Variants in GDPD1 observed in about 807,000 individuals in gnomAD.
GDPD1 encodes the protein glycerophosphodiester phosphodiesterase domain containing 1, also known as lysophospholipase D GDPD1.
In GDPD1, 28 loss-of-function variants were observed where a neutral mutation model predicts 45.1. That is an observed-to-expected ratio of 0.62 (90% CI 0.46 to 0.85). GDPD1 has a LOEUF of 0.85. Ranked by LOEUF, GDPD1 falls within the 40% of genes least tolerant of loss-of-function variation. GDPD1 has a pLI of 0.00. For missense variants in GDPD1, 256 were observed against 364.8 expected (o/e 0.70, Z 2.43); for synonymous variants, 139 against 131.4 (o/e 1.06, Z -0.40).
chr17:59,268,605 A>G (rs2047419461), intron 7 of GDPD1, among the ~76,000 whole-genome samples: 1 of 148,414 alleles, frequency 6.7e-6, no homozygotes, highest in African/African-American at 2.5e-5. Context: ...AAAAAAAAGA[A>G]AAGAAAACAC....
chr17:59,255,800 T>TATACACAC lies in GDPD1; in HGVS notation c.368-1319_368-1318insCACACATA, dbSNP rs1555724197. On this transcript the variant is annotated intron_variant, in intron 4 of 9. Transcript: ENST00000284116. ...ATATATATATACGCGTATATATGTATATATATATATACGCGTATATATATA... is the reference window on the plus strand; with the variant it reads ...ATATATATATACGCGTATATATGTATATACACACATATATATATACGCGTATATATATA... 4.5e-4 allele frequency among the ~76,000 whole-genome samples: 30 copies of TATACACAC among 66,992 alleles called. 3 individuals are homozygous for TATACACAC. The highest frequency in any genetic ancestry group is 1.4e-3 in the African/African-American group (14 of 9,820). The allele number at this position is 66,992 out of a possible 152,430, so 43.9% of individuals were successfully genotyped here.
intron 2 of GDPD1, among the ~76,000 whole-genome samples, chr17:59,237,262 C>T (rs1024585411): frequency 6.6e-6 from 1 of 151,790 alleles, no homozygotes; most frequent in Non-Finnish European, 1.5e-5. Context: ...ATTAACCGGG[C>T]GTGGTGGTGC....
intron 6 of GDPD1, among the ~76,000 whole-genome samples, chr17:59,265,195 T>C (rs1182930257): frequency 6.6e-6 from 1 of 152,068 alleles, no homozygotes; most frequent in Non-Finnish European, 1.5e-5. Flanking sequence ...AAATATATAT[T>C]ATGTTTTTAT....
intron 3 of GDPD1, among the ~76,000 whole-genome samples, 176 bp downstream of exon 3, chr17:59,245,725 C>T (rs1009163811): frequency 2.0e-5 from 3 of 152,036 alleles, no homozygotes; most frequent in Admixed American, 1.3e-4. Flanking sequence ...TGGCTCATGC[C>T]TATAACTGCA....
At position 59,242,017 on chromosome 17, in the gene GDPD1, A is replaced by C. The variant is rs1209403978; in HGVS notation, c.186-3397A>C. ...GATGAGGTTGAATAAATTGATGTCA[A>C]TAATATTGTCTTGTAGATAAGAGAT... On this transcript the variant is annotated intron_variant, in intron 2 of 9. Transcript: ENST00000284116. 4.6e-5 allele frequency among the ~76,000 whole-genome samples: 7 copies of C among 152,296 alleles called. No homozygotes were observed. The East Asian group carries it at 1.4e-3, about 29-fold the overall frequency.
At chr17:59,240,610 AG>A (rs2047168839) in intron 2 of GDPD1, among the ~76,000 whole-genome samples, 1 of 152,078 alleles carries the variant, frequency 6.6e-6, no homozygotes, top group Non-Finnish European at 1.5e-5. Context: ...CTAGAACTAC[AG>A]GGATGTGCCA....
intron 1 of GDPD1, among the ~76,000 whole-genome samples, chr17:59,224,358 C>T (rs1438550015): frequency 6.6e-6 from 1 of 152,180 alleles, no homozygotes; most frequent in Admixed American, 6.6e-5. Flanking sequence ...CAAGGTGGCT[C>T]ATGCCTATAA....
In GDPD1 at chr17:59,235,432, T is replaced by C. The variant is rs1351475794; in HGVS notation, c.185+898T>C. Among the ~76,000 whole-genome samples, 3 of 152,208 alleles carry C rather than the reference T, an allele frequency of 2.0e-5. No homozygotes were observed. In the East Asian group the frequency reaches 5.8e-4, roughly 29 times the overall value. On this transcript the variant is annotated intron_variant, in intron 2 of 9. Transcript: ENST00000284116. Reference sequence around the variant, plus strand: ...TCATATTCTAGTTTCACCTAAATCCTATCTTCCTTGTATTTGTCATCTCTT... The same window carrying C: ...TCATATTCTAGTTTCACCTAAATCCCATCTTCCTTGTATTTGTCATCTCTT...
At chr17:59,273,348 G>C (rs201441197) in intron 9 of GDPD1, among the ~76,000 whole-genome samples, 1 of 151,970 alleles carries the variant, frequency 6.6e-6, no homozygotes, top group African/African-American at 2.4e-5. Context: ...GGCTGATCTC[G>C]AACTCCGGAC....
At chr17:59,242,116 G>A (rs956786554) in intron 2 of GDPD1, among the ~76,000 whole-genome samples, 4 of 152,132 alleles carry the variant, frequency 2.6e-5, no homozygotes, top group Non-Finnish European at 4.4e-5. Context: ...AGGCTGGAGT[G>A]CAGTGGCATA....
chr17:59,231,453 A>C (rs1196941454), intron 1 of GDPD1, among the ~76,000 whole-genome samples: 1 of 149,478 alleles, frequency 6.7e-6, no homozygotes, highest in African/African-American at 2.5e-5. Context: ...CAGCCTCCCG[A>C]GTAGCTGGGA....
intron 6 of GDPD1, among the ~76,000 whole-genome samples, chr17:59,263,425 T>C (rs2047373309): frequency 6.6e-6 from 1 of 151,824 alleles, no homozygotes; most frequent in South Asian, 2.1e-4. Flanking sequence ...AATTTGTCTT[T>C]CATATTGCCA....
At chr17:59,255,760 AAAATAT>A (rs1183740213) in intron 4 of GDPD1, among the ~76,000 whole-genome samples, 7 of 67,516 alleles carry the variant, frequency 1.0e-4, no homozygotes, top group Admixed American at 3.1e-4. Flanking sequence ...AAAAAAAAAA[AAAATAT>A]ATATATATAT....
In GDPD1 at chr17:59,245,495, G is replaced by A; in HGVS notation, c.267G>A (p.Glu89=). 1 of 1,610,484 alleles carries A rather than the reference G, an allele frequency of 6.2e-7. No individual in the cohort carries two copies. The highest frequency in any genetic ancestry group is 8.5e-7 in the Non-Finnish European group (1 of 1,177,000). ...KDEQVVVSHD[E]NLKRATGVNV... Reference sequence around the variant, plus strand: ...AACAAGTTGTAGTGTCACATGATGAGAATCTAAAGAGAGCAACTGGGGTCA... The same window carrying A: ...AACAAGTTGTAGTGTCACATGATGAAAATCTAAAGAGAGCAACTGGGGTCA... Residue 89 remains glutamate, a synonymous_variant, in exon 3 of 10, where the codon GAG becomes GAA. Transcript: ENST00000284116.
chr17:59,226,024 A>T (rs1048458002), intron 1 of GDPD1, among the ~76,000 whole-genome samples: 2 of 152,098 alleles, frequency 1.3e-5, no homozygotes, highest in African/African-American at 4.8e-5. Context: ...CCCAGCCTGG[A>T]TTCAGAATTT....
chr17:59,273,958 T>G lies in GDPD1; in HGVS notation c.*185T>G. ...TATGTATATTTATTTTAAATAATAT[T>G]GTATATTTTATGTTTGTAAATTGTT... On this transcript the variant is annotated 3_prime_UTR_variant, in exon 10 of 10. Transcript: ENST00000284116. 1.3e-6 allele frequency: 1 copy of G among 753,842 alleles called. No homozygotes were observed. Among genetic ancestry groups the G allele is most frequent in the Non-Finnish European group, 1.6e-6 (1 of 610,942 alleles). 46.7% of individuals were successfully genotyped at this position (753,842 alleles called of 1,614,324 possible). A position where few individuals can be genotyped will look rare whatever the true frequency, so the allele number is the denominator to read the frequency against.
intron 4 of GDPD1, among the ~76,000 whole-genome samples, chr17:59,251,703 C>T (rs1010397046): frequency 1.3e-5 from 2 of 151,580 alleles, no homozygotes; most frequent in Admixed American, 1.3e-4. Context: ...ACTAATAAAC[C>T]GTGTGTAAAA....
chr17:59,254,565 A>G (rs1230714009), intron 4 of GDPD1, among the ~76,000 whole-genome samples: 2 of 152,266 alleles, frequency 1.3e-5, no homozygotes, highest in East Asian at 3.9e-4. Flanking sequence ...GCTATCTACT[A>G]TAAACATAAT....
At chr17:59,239,869 G>A (rs990571451) in intron 2 of GDPD1, among the ~76,000 whole-genome samples, 3 of 151,356 alleles carry the variant, frequency 2.0e-5, no homozygotes, top group African/African-American at 7.3e-5. Flanking sequence ...TAGTAGCTGG[G>A]ACTACAGGGC....
Sources: allele counts gnomAD v4.1 joint callset (sites outside exome capture counted in the v4.1 genomes callset), GRCh38; gene constraint gnomAD v4.1.1; transcripts MANE v1.5; gene names NCBI Gene and HGNC (gene_info 2026-07-23, HGNC 2026-07-21).